Variants in STX8 observed in about 807,000 individuals in gnomAD.
STX8 encodes syntaxin-8.
STX8 carries 23 observed loss-of-function variants against 37.5 expected under a neutral mutation model. That is an observed-to-expected ratio of 0.61 (90% CI 0.44 to 0.87). The LOEUF (loss-of-function observed/expected upper bound fraction) is 0.87, where lower values mean the gene tolerates loss of function less well. Ranked by LOEUF, STX8 falls within the 40% of genes least tolerant of loss-of-function variation. The pLI is 0.00. For synonymous variants in STX8, 115 were observed against 99.1 expected (o/e 1.16, Z -0.95); for missense variants, 313 against 284.7 (o/e 1.10, Z -0.71).
chr17:9,348,426 A>C (rs1910601328), intron 7 of STX8, among the ~76,000 whole-genome samples: 1 of 151,860 alleles, frequency 6.6e-6, no homozygotes, highest in Non-Finnish European at 1.5e-5. Flanking sequence ...TCAAAAAAAA[A>C]AAAAAAAAAA....
chr17:9,253,207 GGTGTGT>G (rs36048368), intron 7 of STX8, among the ~76,000 whole-genome samples: 68 of 141,024 alleles, frequency 4.8e-4, no homozygotes, highest in East Asian at 2.7e-3. Context: ...CAGGGGTAGG[GGTGTGT>G]GTGTGTGTGT....
chr17:9,288,580 T>A (rs564186512), intron 7 of STX8, among the ~76,000 whole-genome samples: 68 of 152,152 alleles, frequency 4.5e-4, no homozygotes, highest in African/African-American at 1.6e-3. Flanking sequence ...GAGAATGCCG[T>A]GAACCCGGGA....
At chr17:9,357,699 A>C (rs1036838051) in intron 7 of STX8, among the ~76,000 whole-genome samples, 33 of 152,066 alleles carry the variant, frequency 2.2e-4, no homozygotes, top group Admixed American at 2.2e-3. Context: ...TGTCTCAAAA[A>C]AATAAAATAA....
At chr17:9,274,284 A>G (rs1001806240) in intron 7 of STX8, among the ~76,000 whole-genome samples, 3 of 152,128 alleles carry the variant, frequency 2.0e-5, no homozygotes, top group African/African-American at 7.2e-5. Context: ...GGATTTGATC[A>G]TCAGCTTGGC....
In STX8 at chr17:9,476,453, T is replaced by C. The variant is rs375960804; in HGVS notation, c.541+15376A>G. Among the ~76,000 whole-genome samples, 20 of 151,676 alleles carry C rather than the reference T, an allele frequency of 1.3e-4. No individual in the cohort carries two copies. In the East Asian group the frequency reaches 3.3e-3, roughly 25 times the overall value. The stretch of plus-strand genomic sequence containing the variant: ...GCGGAAGTTGTTTCTTCTTTTCTTT[T>C]TTTTTTCTTTTTTTTTTGAGATAGA... On this transcript the variant is annotated intron_variant, in intron 6 of 7. Transcript: ENST00000306357.
intron 7 of STX8, among the ~76,000 whole-genome samples, chr17:9,264,138 G>A (rs1907143916): frequency 6.6e-6 from 1 of 152,212 alleles, no homozygotes; most frequent in Non-Finnish European, 1.5e-5. Context: ...AGAGAAAAGA[G>A]ATGCCCAGCC....
intron 6 of STX8, among the ~76,000 whole-genome samples, chr17:9,434,890 A>G (rs1345431442): frequency 6.6e-6 from 1 of 152,232 alleles, no homozygotes; most frequent in Non-Finnish European, 1.5e-5. Context: ...GATAACTTTC[A>G]GGTCATTCCC....
chr17:9,329,513 C>T (rs1008697764), intron 7 of STX8, among the ~76,000 whole-genome samples: 1 of 152,170 alleles, frequency 6.6e-6, no homozygotes, highest in Non-Finnish European at 1.5e-5. Context: ...GGGCCATGAG[C>T]GTGTTAAGAG....
chr17:9,276,645 G>C (rs1226886525), intron 7 of STX8, among the ~76,000 whole-genome samples: 1 of 146,314 alleles, frequency 6.8e-6, no homozygotes, highest in Non-Finnish European at 1.5e-5. Context: ...TTTTTTGGTT[G>C]TTGTTTTTGA....
chr17:9,558,333 C>T (rs1907064117), intron 2 of STX8, among the ~76,000 whole-genome samples: 1 of 152,190 alleles, frequency 6.6e-6, no homozygotes, highest in African/African-American at 2.4e-5. Flanking sequence ...CTCAAGCGGA[C>T]TCCCTCCTTG....
At chr17:9,279,783 A>G (rs1907813915) in intron 7 of STX8, among the ~76,000 whole-genome samples, 1 of 152,234 alleles carries the variant, frequency 6.6e-6, no homozygotes, top group African/African-American at 2.4e-5. Context: ...CCTCTTCAAG[A>G]ACTGCAGGAG....
intron 6 of STX8, among the ~76,000 whole-genome samples, chr17:9,403,677 C>T (rs926796587): frequency 2.0e-5 from 3 of 151,924 alleles, no homozygotes; most frequent in Admixed American, 6.6e-5. Flanking sequence ...GATGGAGTCT[C>T]GCTCTGTCGC....
intron 6 of STX8, among the ~76,000 whole-genome samples, chr17:9,419,571 A>T (rs1242955338): frequency 6.6e-6 from 1 of 152,212 alleles, no homozygotes; most frequent in Non-Finnish European, 1.5e-5. Flanking sequence ...GGAGGTAGAT[A>T]TTAAGTATCG....
intron 2 of STX8, among the ~76,000 whole-genome samples, chr17:9,565,171 G>A (rs899298608): frequency 1.7e-4 from 26 of 152,206 alleles, no homozygotes; most frequent in Non-Finnish European, 8.8e-5. Flanking sequence ...TCGTGCCACT[G>A]CACTCCAGCA....
At chr17:9,264,037 T>C (rs925342182) in intron 7 of STX8, among the ~76,000 whole-genome samples, 44 of 152,152 alleles carry the variant, frequency 2.9e-4, no homozygotes, top group African/African-American at 9.7e-4. Flanking sequence ...ATGTGAGTAG[T>C]TCAACTGCTA....
At chr17:9,291,920 T>C (rs1373171733) in intron 7 of STX8, among the ~76,000 whole-genome samples, 2 of 152,262 alleles carry the variant, frequency 1.3e-5, no homozygotes, top group Admixed American at 6.5e-5. Flanking sequence ...TTCATTTATT[T>C]ATGCTTTTGT....
At chr17:9,273,901 C>G (rs1203814690) in intron 7 of STX8, among the ~76,000 whole-genome samples, 2 of 152,176 alleles carry the variant, frequency 1.3e-5, no homozygotes, top group East Asian at 3.9e-4. Context: ...CGTCTGCTCT[C>G]AGTGGTCCCT....
rs142568329 is a variant in STX8 at position 9,519,668 on chromosome 17, A to G, written c.324-14506T>C. Among the ~76,000 whole-genome samples, 934 of 152,158 alleles carry G rather than the reference A, an allele frequency of 6.1e-3. 14 individuals are homozygous for G. The highest frequency in any genetic ancestry group is 0.021 in the African/African-American group (881 of 41,490). On this transcript the variant is annotated intron_variant, in intron 4 of 7. Transcript: ENST00000306357. ...CCCCAGAAGCTACAACATGGCTACG[A>G]TCTCTCTACGACATCATCTCCTCAA...
At chr17:9,283,234 C>T (rs1012558342) in intron 7 of STX8, 1 of 152,118 alleles carries the variant, frequency 6.6e-6, no homozygotes, top group Admixed American at 6.6e-5. Flanking sequence ...AAATATTCAA[C>T]CTTCTGTGTT....
Sources: gnomAD v4.1 joint callset for allele counts (sites outside exome capture counted in the v4.1 genomes callset) on GRCh38, gnomAD v4.1.1 for gene constraint, MANE v1.5 for transcripts, NCBI Gene and HGNC (gene_info 2026-07-23, HGNC 2026-07-21) for gene names.